Variants in C3orf22 observed in about 807,000 individuals in gnomAD.
C3orf22 encodes chromosome 3 open reading frame 22.
In C3orf22, 7 loss-of-function variants were observed where a neutral mutation model predicts 10.8. That is an observed-to-expected ratio of 0.65 (90% CI 0.37 to 1.22). The LOEUF (loss-of-function observed/expected upper bound fraction) is 1.22. Among genes scored for constraint, C3orf22 ranks in the 50% most tolerant of loss-of-function variants. C3orf22 has a pLI of 0.02. For synonymous variants in C3orf22, 79 were observed against 78.9 expected (o/e 1.00, Z 0.00); for missense variants, 173 against 177.0 (o/e 0.98, Z 0.13).
At chr3:126,555,760 C>A (rs78862214) in intron 1 of C3orf22, among the ~76,000 whole-genome samples, 3,442 of 152,294 alleles carry the variant, frequency 0.023, 91 homozygotes, top group African/African-American at 0.062. Flanking sequence ...GCCTCAAAGA[C>A]CCTCTAACAC....
At chr3:126,533,982 T>G (rs1936711614) in intron 4 of C3orf22, among the ~76,000 whole-genome samples, 1 of 152,218 alleles carries the variant, frequency 6.6e-6, no homozygotes, top group African/African-American at 2.4e-5. Context: ...GTCTATTTCT[T>G]GTATGTTTTC....
intron 4 of C3orf22, among the ~76,000 whole-genome samples, chr3:126,533,972 G>T (rs1452893159): frequency 1.3e-5 from 2 of 152,090 alleles, no homozygotes; most frequent in African/African-American, 2.4e-5. Flanking sequence ...CTAGGAATTT[G>T]TCTATTTCTT....
At chr3:126,536,154 G>A (rs778721103) in intron 4 of C3orf22, 48 of 779,384 alleles carry the variant, frequency 6.2e-5, no homozygotes, top group Middle Eastern at 2.3e-4. Flanking sequence ...GGCAAGATCC[G>A]GGAAGGAAAT....
chr3:126,551,113 T>TTGTG lies in C3orf22; in HGVS notation c.215+880_215+883dup, dbSNP rs142548027. On this transcript the variant is annotated intron_variant, in intron 3 of 3. Coordinates refer to ENST00000318225, the MANE Select transcript of C3orf22 (RefSeq NM_152533.3). ...CTGGATGTGCATGTAAGTCTGTTCT[T>TTGTG]TGTGTGTGTGTGTGTGTGCGTGGCA... is the stretch of plus-strand genomic sequence containing the variant. 6.9e-3 allele frequency among the ~76,000 whole-genome samples: 1,037 copies of TTGTG among 150,878 alleles called. 12 individuals are homozygous for TTGTG. Among genetic ancestry groups the TTGTG allele is most frequent in the African/African-American group, 0.023 (956 of 41,328 alleles).
chr3:126,536,928 A>C (rs544736878), intron 4 of C3orf22, among the ~76,000 whole-genome samples: 25 of 136,238 alleles, frequency 1.8e-4, no homozygotes, highest in African/African-American at 5.8e-4. Context: ...CACACACCCC[A>C]CACACACAAG....
At chr3:126,557,245 C>T (rs914970079) in intron 1 of C3orf22, among the ~76,000 whole-genome samples, 4 of 152,228 alleles carry the variant, frequency 2.6e-5, no homozygotes, top group Admixed American at 1.3e-4. Flanking sequence ...GGGAGCTCCT[C>T]GCTTCCTTGG....
At chr3:126,541,719 CCTG>C (rs1199669120) in intron 4 of C3orf22, 3 of 1,443,770 alleles carry the variant, frequency 2.1e-6, no homozygotes, top group Non-Finnish European at 2.7e-6. Context: ...TGTCCCGTCT[CCTG>C]TCGCCCACAG....
chr3:126,555,256 C>T (rs2107584914), intron 1 of C3orf22, among the ~76,000 whole-genome samples: 1 of 152,374 alleles, frequency 6.6e-6, no homozygotes, highest in East Asian at 1.9e-4. Context: ...GCGTGCTTCC[C>T]TGGCTGCTGG....
At chr3:126,539,636 CCACACACCA>C (rs1301611847) in intron 4 of C3orf22, among the ~76,000 whole-genome samples, 2 of 128,218 alleles carry the variant, frequency 1.6e-5, no homozygotes, top group Non-Finnish European at 3.4e-5. Context: ...CACACACACC[CCACACACCA>C]CACACACCCC....
downstream of C3orf22, among the ~76,000 whole-genome samples, chr3:126,547,200 A>G (rs1937082845): frequency 6.6e-6 from 1 of 152,316 alleles, no homozygotes; most frequent in South Asian, 2.1e-4. Flanking sequence ...TCAGAGATGC[A>G]GGGCACAGGG....
At chr3:126,546,506 A>T (rs1937069586), downstream of C3orf22, among the ~76,000 whole-genome samples, 1 of 152,176 alleles carries the variant, frequency 6.6e-6, no homozygotes, top group East Asian at 1.9e-4. Context: ...TGCGGTCTCC[A>T]TGGTGGGATT....
chr3:126,535,511 G>A (rs376024303), intron 4 of C3orf22, among the ~76,000 whole-genome samples: 1 of 148,784 alleles, frequency 6.7e-6, no homozygotes, highest in Admixed American at 6.6e-5. Context: ...CAGTATCGCT[G>A]TCCTCAGCCG....
At chr3:126,542,206 C>T (rs1936976691) in intron 4 of C3orf22, 1 of 1,451,060 alleles carries the variant, frequency 6.9e-7, no homozygotes, top group Non-Finnish European at 9.0e-7. Flanking sequence ...ACGCCCGGGC[C>T]CGCGGCCACG....
At chr3:126,552,214 C>G in intron 2 of C3orf22, 92 bp from the exon 3 acceptor site, 7 of 1,585,884 alleles carry the variant, frequency 4.4e-6, no homozygotes, top group Non-Finnish European at 6.0e-6. Flanking sequence ...CTGCTAGGCA[C>G]TGTTCTAAGT....
At chr3:126,542,106 G>C in intron 4 of C3orf22, 1 of 1,580,986 alleles carries the variant, frequency 6.3e-7, no homozygotes, top group East Asian at 2.3e-5. Context: ...TCGGCTTACC[G>C]CAACAAGCTC....
chr3:126,537,207 G>C (rs1463278112), intron 4 of C3orf22, among the ~76,000 whole-genome samples: 1 of 152,208 alleles, frequency 6.6e-6, no homozygotes, highest in East Asian at 1.9e-4. Flanking sequence ...CATTGAAGCT[G>C]AGGTGAAGAG....
chr3:126,553,223 G>T, intron 2 of C3orf22, 79 bp downstream of exon 2: 1 of 999,530 alleles, frequency 1.0e-6, no homozygotes, highest in South Asian at 1.3e-5. Flanking sequence ...CAGCCCCACA[G>T]AATGCATTTG....
At chr3:126,551,370 T>A (rs1376898190) in intron 3 of C3orf22, among the ~76,000 whole-genome samples, 1 of 152,210 alleles carries the variant, frequency 6.6e-6, no homozygotes, top group East Asian at 1.9e-4. Context: ...GCCACACAGC[T>A]GTTCCCCGTG....
At chr3:126,539,679 CCA>C (rs1428956389) in intron 4 of C3orf22, among the ~76,000 whole-genome samples, 27 of 124,686 alleles carry the variant, frequency 2.2e-4, no homozygotes, top group African/African-American at 7.6e-4. Flanking sequence ...AGCACATACA[CCA>C]CAGACACCAC....
Sources: allele counts gnomAD v4.1 joint callset (sites outside exome capture counted in the v4.1 genomes callset), GRCh38; gene constraint gnomAD v4.1.1; transcripts MANE v1.5; gene names NCBI Gene and HGNC (gene_info 2026-07-23, HGNC 2026-07-21).